Variants in PRKN observed in about 807,000 individuals in gnomAD.
The protein encoded by PRKN is parkin RBR E3 ubiquitin protein ligase.
A neutral mutation model predicts 59.5 loss-of-function variants in PRKN; 56 were observed. The ratio of observed to expected loss-of-function variants is 0.94; its 90% CI spans 0.76 to 1.18. The LOEUF is 1.18. Ranked by LOEUF, PRKN falls within the 50% of genes most tolerant of loss-of-function variation. The pLI, the probability that PRKN is intolerant of heterozygous loss-of-function variation, is 0.00. For missense variants in PRKN, 657 were observed against 596.4 expected (o/e 1.10, Z -1.06); for synonymous variants, 250 against 222.1 (o/e 1.13, Z -1.12).
chr6:162,072,413 G>C (rs1044226689), intron 4 of PRKN, among the ~76,000 whole-genome samples: 1 of 152,196 alleles, frequency 6.6e-6, no homozygotes, highest in Non-Finnish European at 1.5e-5. Context: ...AGCAGCAGTA[G>C]GTTTTGCGGG....
At chr6:162,279,420 GGAAAGAAAGAAAAAGAAA>G (rs1246591068) in intron 2 of PRKN, among the ~76,000 whole-genome samples, 1 of 144,968 alleles carries the variant, frequency 6.9e-6, no homozygotes. Flanking sequence ...AAAGAAAGAA[GGAAAGAAAGAAAAAGAAA>G]GAAAGAAAGA....
rs536885161 is a variant in PRKN at position 162,239,441 on chromosome 6, T to G, written c.412+23084A>C. 1.3e-3 allele frequency among the ~76,000 whole-genome samples: 195 copies of G among 152,276 alleles called. 1 individual carries two copies. The highest frequency in any genetic ancestry group is 4.3e-3 in the African/African-American group (179 of 41,546). On this transcript the variant is annotated intron_variant, in intron 3 of 11. Transcript: ENST00000366898. ...TTTATGATGTAAAGGTTTCATTTTT[T>G]CCATTTTATAGATGATTAAATAGAG...
chr6:162,314,167 C>T (rs939159513), intron 2 of PRKN, among the ~76,000 whole-genome samples: 10 of 152,088 alleles, frequency 6.6e-5, no homozygotes, highest in Non-Finnish European at 1.0e-4. Context: ...CCCAAGAATG[C>T]TGCCAGACAG....
chr6:161,716,743 G>A lies in PRKN; in HGVS notation c.871+69029C>T, dbSNP rs547664806. Among the ~76,000 whole-genome samples, 47 of 152,314 alleles carry A rather than the reference G, an allele frequency of 3.1e-4. No homozygotes were observed. The South Asian group carries it at 8.9e-3, about 29-fold the overall frequency. On this transcript the variant is annotated intron_variant, in intron 7 of 11. Coordinates refer to ENST00000366898, the MANE Select transcript of PRKN (RefSeq NM_004562.3). ...TGAAACAAAACAGTGCCAAGTGGAC[G>A]CTGGAAGGCAGCGGCAATGCAGTGG...
At chr6:162,000,783 C>T (rs559657661) in intron 5 of PRKN, among the ~76,000 whole-genome samples, 95 of 151,870 alleles carry the variant, frequency 6.3e-4, no homozygotes, top group Admixed American at 2.0e-3. Flanking sequence ...TATAGTTCTG[C>T]ACTTTAACAG....
chr6:162,004,347 C>A (rs1352463226), intron 5 of PRKN, among the ~76,000 whole-genome samples: 4 of 152,108 alleles, frequency 2.6e-5, no homozygotes, highest in Admixed American at 6.6e-5. Flanking sequence ...TGAGGCCTTC[C>A]CCAAAGCAGA....
chr6:161,877,137 C>T (rs191830863), intron 6 of PRKN, among the ~76,000 whole-genome samples: 132 of 152,224 alleles, frequency 8.7e-4, no homozygotes, highest in African/African-American at 3.1e-3. Flanking sequence ...TTTCAAGCCA[C>T]GTAGTTGCCT....
intron 4 of PRKN, among the ~76,000 whole-genome samples, chr6:162,069,545 C>T (rs1483669820): frequency 6.6e-6 from 1 of 152,144 alleles, no homozygotes; most frequent in Non-Finnish European, 1.5e-5. Flanking sequence ...ACATGTCTTG[C>T]TTTAATGAGT....
At chr6:161,849,905 C>G (rs925759673) in intron 6 of PRKN, among the ~76,000 whole-genome samples, 2 of 152,226 alleles carry the variant, frequency 1.3e-5, no homozygotes, top group African/African-American at 4.8e-5. Context: ...CTTTTACACT[C>G]AGAAGATCCT....
intron 8 of PRKN, among the ~76,000 whole-genome samples, chr6:161,567,182 G>A (rs1466536849): frequency 6.6e-6 from 1 of 151,968 alleles, no homozygotes; most frequent in African/African-American, 2.4e-5. Flanking sequence ...GGGATTACAG[G>A]CGTGCACCAC....
At chr6:162,453,628 C>CA (rs1790728178) in intron 1 of PRKN, among the ~76,000 whole-genome samples, 1 of 152,144 alleles carries the variant, frequency 6.6e-6, no homozygotes, top group East Asian at 1.9e-4. Context: ...TCTGGCCAGA[C>CA]ACGGTGGCTC....
chr6:162,709,138 G>A (rs1778437140), intron 1 of PRKN, among the ~76,000 whole-genome samples: 1 of 151,926 alleles, frequency 6.6e-6, no homozygotes, highest in East Asian at 1.9e-4. Context: ...ATAAACTCAG[G>A]GGCCCCACTG....
chr6:162,445,977 G>C (rs1790299446), intron 1 of PRKN, among the ~76,000 whole-genome samples: 1 of 152,082 alleles, frequency 6.6e-6, no homozygotes, highest in South Asian at 2.1e-4. Context: ...AGCACGGAAA[G>C]TGTTTAGAAA....
intron 4 of PRKN, among the ~76,000 whole-genome samples, chr6:162,079,381 AT>A (rs954604881): frequency 6.6e-6 from 1 of 152,138 alleles, no homozygotes; most frequent in African/African-American, 2.4e-5. Context: ...TGTTCTTGTA[AT>A]TTGTAAATCG....
intron 3 of PRKN, among the ~76,000 whole-genome samples, chr6:162,256,288 A>G (rs552675665): frequency 1.3e-5 from 2 of 152,320 alleles, no homozygotes; most frequent in South Asian, 4.1e-4. Flanking sequence ...TAAGTAGACC[A>G]TAAATTCTTG....
Position 161,373,360 on chromosome 6 carries a change from A to G in PRKN, c.1168-13155T>C, listed in dbSNP as rs75192493. The stretch of plus-strand genomic sequence containing the variant: ...ACCCATCACAGCTAGGCTGAAACTC[A>G]TGTTTAAGACTAGATCTGTTTGACT... On this transcript the variant is annotated intron_variant, in intron 10 of 11. Coordinates refer to ENST00000366898, the MANE Select transcript of PRKN (RefSeq NM_004562.3). The surrounding 1 kb of genome is among the most constrained non-coding windows in gnomAD (Gnocchi z 4.8). Among the ~76,000 whole-genome samples, 257 of 152,192 alleles carry G rather than the reference A, an allele frequency of 1.7e-3. 1 individual carries two copies. The highest frequency in any genetic ancestry group is 3.3e-3 in the Non-Finnish European group (227 of 68,022).
At chr6:161,380,615 A>C (rs1439562263) in intron 10 of PRKN, among the ~76,000 whole-genome samples, 2 of 152,040 alleles carry the variant, frequency 1.3e-5, no homozygotes, top group Non-Finnish European at 2.9e-5. Context: ...ATAAATGTGT[A>C]CTGAGCATCC....
intron 1 of PRKN, among the ~76,000 whole-genome samples, chr6:162,595,014 A>T (rs551326548): frequency 2.8e-3 from 432 of 152,088 alleles, no homozygotes; most frequent in African/African-American, 9.7e-3. Flanking sequence ...CTCTACTAAA[A>T]ATACAAAAAA....
intron 7 of PRKN, among the ~76,000 whole-genome samples, chr6:161,640,817 G>C (rs1783711998): frequency 6.6e-6 from 1 of 152,058 alleles, no homozygotes; most frequent in Admixed American, 6.5e-5. Context: ...TGATCAACTG[G>C]AGAAAAAAAG....
Sources: allele counts gnomAD v4.1 joint callset (sites outside exome capture counted in the v4.1 genomes callset), GRCh38; gene constraint gnomAD v4.1.1; non-coding constraint Gnocchi (gnomAD v3.1); transcripts MANE v1.5; gene names NCBI Gene and HGNC (gene_info 2026-07-23, HGNC 2026-07-21).